Variants in DCC observed in about 807,000 individuals in gnomAD.
DCC encodes the protein netrin receptor DCC.
Under a neutral mutation model 172.5 loss-of-function variants are expected in DCC, and 58 were observed. The ratio of observed to expected loss-of-function variants is 0.34; its 90% CI spans 0.27 to 0.42. DCC has a LOEUF of 0.42. DCC is among the 10% of genes least tolerant of loss of function. The probability of loss-of-function intolerance (pLI) is 1.00; values close to 1 mark genes in which losing one functional copy is unlikely to be tolerated. For synonymous variants in DCC, 709 were observed against 644.5 expected (o/e 1.10, Z -1.52); for missense variants, 1,740 against 1,791.0 (o/e 0.97, Z 0.51).
chr18:52,852,417 C>T (rs1305585241), intron 2 of DCC, among the ~76,000 whole-genome samples: 1 of 152,044 alleles, frequency 6.6e-6, no homozygotes, highest in Non-Finnish European at 1.5e-5. Context: ...ACTGCATTTG[C>T]AGCAAATCAA....
intron 13 of DCC, among the ~76,000 whole-genome samples, chr18:53,319,780 G>A (rs1204658254): frequency 1.3e-5 from 2 of 152,220 alleles, no homozygotes; most frequent in African/African-American, 4.8e-5. Flanking sequence ...CCTCAGTTCT[G>A]CACTTAAGGT....
At position 53,276,289 on chromosome 18, in the gene DCC, A is replaced by G. The variant is rs1472565304; in HGVS notation, c.1912-29289A>G. ...AATACATTCCCTAGATAATTAAATCATCTTTGTATGGACCTGATAAATCCC... is the reference window on the plus strand; with the variant it reads ...AATACATTCCCTAGATAATTAAATCGTCTTTGTATGGACCTGATAAATCCC... On this transcript the variant is annotated intron_variant, in intron 12 of 28. Coordinates refer to ENST00000442544, the MANE Select transcript of DCC (RefSeq NM_005215.4). Among the ~76,000 whole-genome samples the G allele has an allele frequency of 2.0e-5, 3 of 152,174 alleles. No individual in the cohort carries two copies. The East Asian group carries it at 5.8e-4, about 29-fold the overall frequency.
rs374129823 is a variant in DCC at position 52,783,323 on chromosome 18, C to CTTTTTTTTTTT, written c.412+30977_412+30987dup. Among the ~76,000 whole-genome samples, 404 of 59,232 alleles carry CTTTTTTTTTTT rather than the reference C, an allele frequency of 6.8e-3. 85 individuals carry two copies. Among genetic ancestry groups the CTTTTTTTTTTT allele is most frequent in the Admixed American group, 9.8e-3 (41 of 4,174 alleles). 38.9% of individuals were successfully genotyped at this position (59,232 alleles called of 152,430 possible). A position where few individuals can be genotyped will look rare whatever the true frequency, so the allele number is the denominator to read the frequency against. Reference sequence around the variant, plus strand: ...ACTAAAAATAATTTATACTACTACTCTTTTTTTTTTTTTTTTTTTTTTTTT... The same window carrying CTTTTTTTTTTT: ...ACTAAAAATAATTTATACTACTACTCTTTTTTTTTTTTTTTTTTTTTTTTTTTTTTTTTTTT... On this transcript the variant is annotated intron_variant, in intron 2 of 28. Transcript: ENST00000442544.
intron 5 of DCC, among the ~76,000 whole-genome samples, chr18:53,037,262 A>G (rs1213267742): frequency 1.3e-5 from 2 of 151,996 alleles, no homozygotes; most frequent in African/African-American, 4.8e-5. Context: ...CACCTAGGAA[A>G]ATTTGGAGGA....
intron 1 of DCC, among the ~76,000 whole-genome samples, chr18:52,471,856 G>T (rs1988955864): frequency 6.6e-6 from 1 of 152,136 alleles, no homozygotes; most frequent in African/African-American, 2.4e-5. Flanking sequence ...TCTCATTATT[G>T]TTTCCCTCAT....
chr18:53,242,466 G>A (rs1283628758), intron 12 of DCC, among the ~76,000 whole-genome samples: 6 of 152,128 alleles, frequency 3.9e-5, no homozygotes, highest in African/African-American at 4.8e-5. Flanking sequence ...AAGTTGAAGA[G>A]GGGGTAAATA....
intron 3 of DCC, among the ~76,000 whole-genome samples, chr18:52,908,283 T>A (rs908789685): frequency 6.6e-6 from 1 of 152,206 alleles, no homozygotes; most frequent in Non-Finnish European, 1.5e-5. Context: ...TCTACTCCAT[T>A]AGTCACAGGG....
chr18:53,312,340 C>CAAAAA (rs1218591102), intron 13 of DCC, among the ~76,000 whole-genome samples: 2 of 17,528 alleles, frequency 1.1e-4, no homozygotes, highest in African/African-American at 1.5e-4. Context: ...GACTCTGTCT[C>CAAAAA]AAAAAAAAAA....
chr18:52,890,704 T>A lies in DCC; in HGVS notation c.413-15340T>A, dbSNP rs532173508. Among the ~76,000 whole-genome samples the A allele has an allele frequency of 1.1e-3, 160 of 152,194 alleles. 1 individual carries two copies. Among genetic ancestry groups the A allele is most frequent in the African/African-American group, 3.7e-3 (155 of 41,564 alleles). ...ATAGCAATTTTCCAAAAGGACAAAC[T>A]ACAATTACAATAAAATATCGATATG... On this transcript the variant is annotated intron_variant, in intron 2 of 28. Coordinates refer to ENST00000442544, the MANE Select transcript of DCC (RefSeq NM_005215.4).
chr18:53,035,606 C>T (rs1483394197), intron 5 of DCC, among the ~76,000 whole-genome samples: 1 of 152,060 alleles, frequency 6.6e-6, no homozygotes, highest in Non-Finnish European at 1.5e-5. Context: ...GAGCATATTG[C>T]TCAAAGCCGC....
intron 5 of DCC, among the ~76,000 whole-genome samples, chr18:52,946,939 A>G (rs1333467435): frequency 3.3e-5 from 5 of 150,254 alleles, no homozygotes; most frequent in Admixed American, 2.6e-4. Flanking sequence ...CATCCATAAT[A>G]AACAAAATAT....
intron 1 of DCC, among the ~76,000 whole-genome samples, chr18:52,638,111 A>C (rs1243521733): frequency 6.6e-6 from 1 of 152,180 alleles, no homozygotes; most frequent in Non-Finnish European, 1.5e-5. Context: ...TCAGACAAAC[A>C]AATGCTGGGA....
intron 2 of DCC, among the ~76,000 whole-genome samples, chr18:52,790,046 G>A (rs1293642220): frequency 6.6e-6 from 1 of 152,104 alleles, no homozygotes; most frequent in African/African-American, 2.4e-5. Context: ...GTACCACCTA[G>A]ATCAACAAAC....
At chr18:52,971,116 G>A (rs750473895) in intron 5 of DCC, among the ~76,000 whole-genome samples, 2 of 152,114 alleles carry the variant, frequency 1.3e-5, no homozygotes, top group Non-Finnish European at 2.9e-5. Context: ...GATGACAGCT[G>A]TTCAACCCCA....
chr18:53,314,890 A>T (rs2057325688), intron 13 of DCC, among the ~76,000 whole-genome samples: 1 of 152,168 alleles, frequency 6.6e-6, no homozygotes, highest in African/African-American at 2.4e-5. Context: ...TACTCTGATA[A>T]ATAGTATAGC....
intron 9 of DCC, among the ~76,000 whole-genome samples, chr18:53,199,292 T>C (rs2144532746): frequency 6.6e-6 from 1 of 152,104 alleles, no homozygotes; most frequent in Admixed American, 6.5e-5. Context: ...AGTATCATCT[T>C]GTTGGCCAGG....
At chr18:52,968,088 A>G (rs967888655) in intron 5 of DCC, among the ~76,000 whole-genome samples, 1 of 152,184 alleles carries the variant, frequency 6.6e-6, no homozygotes, top group African/African-American at 2.4e-5. Flanking sequence ...TTAACCATCT[A>G]TACTGGTCCA....
intron 1 of DCC, among the ~76,000 whole-genome samples, chr18:52,526,606 C>A (rs574837804): frequency 6.6e-6 from 1 of 152,148 alleles, no homozygotes; most frequent in East Asian, 1.9e-4. Flanking sequence ...TTTAGAATAT[C>A]TTCCTTAGGT....
At chr18:52,822,163 C>A (rs183615488) in intron 2 of DCC, among the ~76,000 whole-genome samples, 4 of 152,090 alleles carry the variant, frequency 2.6e-5, no homozygotes, top group African/African-American at 9.7e-5. Context: ...AATCTGGATC[C>A]GTATCCCATG....
Sources: gnomAD v4.1 joint callset for allele counts (sites outside exome capture counted in the v4.1 genomes callset) on GRCh38, gnomAD v4.1.1 for gene constraint, MANE v1.5 for transcripts, NCBI Gene and HGNC (gene_info 2026-07-23, HGNC 2026-07-21) for gene names.